The following CPLANE1 variants were observed in gnomAD, a reference collection of about 807,000 sequenced individuals.
The protein encoded by CPLANE1 is ciliogenesis and planar polarity effector complex subunit 1.
In CPLANE1, 263 loss-of-function variants were observed where a neutral mutation model predicts 362.5. That is an observed-to-expected ratio of 0.73 (90% CI 0.66 to 0.80). CPLANE1 has a LOEUF of 0.80. Among genes scored for constraint, CPLANE1 ranks in the 30% least tolerant of loss-of-function variants. CPLANE1 has a pLI of 0.00. For synonymous variants in CPLANE1, 1,212 were observed against 1,302.6 expected (o/e 0.93, Z 1.50); for missense variants, 3,461 against 3,793.4 (o/e 0.91, Z 2.30).
At position 37,226,395 on chromosome 5, in the gene CPLANE1, G is replaced by A; in HGVS notation, c.2200C>T (p.Gln734Ter). Residue 734 changes from glutamine (Q) to a stop codon, truncating the protein, a stop_gained, in exon 12 of 53, where the codon CAA becomes TAA. Transcript: ENST00000651892. LOFTEE classifies it high-confidence loss of function. ...CAGTTTTTCTGAAAACCACTATCTT[G>A]AAACATCTGAAAAATAGGTACCACC... Reference protein sequence around the residue: ...SLVVPIFQMFQDSGFQKNWSW... With the variant: ...SLVVPIFQMF 1 of 1,549,828 alleles carries A rather than the reference G, an allele frequency of 6.5e-7. No homozygotes were observed. The highest frequency in any genetic ancestry group is 8.7e-7 in the Non-Finnish European group (1 of 1,146,444).
intron 48 of CPLANE1, 47 bp downstream of exon 48, chr5:37,122,383 C>G (rs771569470): frequency 6.8e-7 from 1 of 1,466,786 alleles, no homozygotes; most frequent in South Asian, 1.2e-5. Context: ...TATGCCTCAG[C>G]TAAGGAAGTT....
intron 23 of CPLANE1, among the ~76,000 whole-genome samples, chr5:37,186,910 A>C (rs529562088): frequency 2.6e-5 from 4 of 151,912 alleles, no homozygotes; most frequent in African/African-American, 9.7e-5. Context: ...AAATACAAAA[A>C]ATTAGCCGGG....
chr5:37,176,039 C>A, intron 30 of CPLANE1, 53 bp from the exon 31 acceptor site: 2 of 1,203,902 alleles, frequency 1.7e-6, no homozygotes, highest in Non-Finnish European at 2.5e-6. Flanking sequence ...TTTGCATTAT[C>A]TAAGGTATGA....
the CPLANE1 span, among the ~76,000 whole-genome samples, chr5:37,088,515 A>G: frequency 2.0e-5 from 3 of 152,320 alleles, no homozygotes; most frequent in African/African-American, 7.2e-5. Flanking sequence ...ACCCTCTTCT[A>G]TATGTCCCCA....
chr5:37,191,130 T>C (rs894839869), intron 21 of CPLANE1, among the ~76,000 whole-genome samples: 2 of 152,082 alleles, frequency 1.3e-5, no homozygotes, highest in Non-Finnish European at 2.9e-5. Context: ...GACAGAGAGA[T>C]TGATGATCCT....
At chr5:37,122,357 T>C (rs975465326) in intron 48 of CPLANE1, 73 bp downstream of exon 48, 6 of 1,130,910 alleles carry the variant, frequency 5.3e-6, no homozygotes, top group South Asian at 1.3e-5. Context: ...AAAACAGAAT[T>C]CCTAAGGCAT....
At chr5:37,237,917 G>A (rs184171697) in intron 8 of CPLANE1, among the ~76,000 whole-genome samples, 1 of 152,200 alleles carries the variant, frequency 6.6e-6, no homozygotes, top group East Asian at 1.9e-4. Flanking sequence ...GATGGCTCAG[G>A]CCTGTAATCC....
chr5:37,140,138 G>A (rs966604531), intron 44 of CPLANE1: 2 of 878,134 alleles, frequency 2.3e-6, no homozygotes, highest in Non-Finnish European at 2.7e-6. Context: ...AATCTATTCA[G>A]TCTTCTATAT....
Position 37,221,342 on chromosome 5 carries a change from CT to C in CPLANE1, c.2727del (p.Glu910LysfsTer27). Reference sequence around the variant, plus strand: ...AGCATACCTGAAAAATCTTTATTTTCTTTTACAGGTAGTTGGGACCATCTCA... The same window carrying C: ...AGCATACCTGAAAAATCTTTATTTTCTTTACAGGTAGTTGGGACCATCTCA... ...EILRWSQLPVKENKDFSGAAK... is the reference protein window; with the variant it reads ...EILRWSQLPVXENKDFSGAAK... On this transcript the variant is annotated frameshift_variant, in exon 15 of 53. Transcript: ENST00000651892. 6.7e-7 allele frequency: 1 copy of C among 1,489,094 alleles called. No individual in the cohort carries two copies. Among genetic ancestry groups the C allele is most frequent in the East Asian group, 2.6e-5 (1 of 38,620 alleles). The allele number at this position is 1,489,094 out of a possible 1,614,324, so 92.2% of individuals were successfully genotyped here. A position where few individuals can be genotyped will look rare whatever the true frequency, so the allele number is the denominator to read the frequency against.
chr5:37,240,085 C>T (rs998224427), intron 6 of CPLANE1, among the ~76,000 whole-genome samples: 2 of 152,040 alleles, frequency 1.3e-5, no homozygotes, highest in African/African-American at 4.8e-5. Context: ...GGCACGGTAG[C>T]TCACACCTGT....
chr5:37,170,219 C>T lies in CPLANE1; in HGVS notation c.6284G>A (p.Ser2095Asn). The change falls in exon 33 of 53, where the codon AGC becomes AAC. Residue 2095 changes from serine to asparagine, a missense_variant. Around this residue, in one of 2 missense-constraint regions of CPLANE1, gnomAD observed 3,380 missense variants for 3,666.1 expected, o/e 0.92. Coordinates refer to ENST00000651892, the MANE Select transcript of CPLANE1 (RefSeq NM_001384732.1). The stretch of plus-strand genomic sequence containing the variant: ...ACATCCTCTTAGGTTTGATTCTTGG[C>T]TTTCCCCTAAATGCACAGACTGAGA... ...QQSQSVHLGESQESNLRGCGD... is the reference protein window; with the variant it reads ...QQSQSVHLGENQESNLRGCGD... 6.2e-7 allele frequency: 1 copy of T among 1,614,160 alleles called. No individual in the cohort carries two copies. Among genetic ancestry groups the T allele is most frequent in the Non-Finnish European group, 8.5e-7 (1 of 1,180,044 alleles).
chr5:37,185,595 T>A (rs1219082081), intron 24 of CPLANE1, among the ~76,000 whole-genome samples: 1 of 151,980 alleles, frequency 6.6e-6, no homozygotes, highest in Non-Finnish European at 1.5e-5. Flanking sequence ...TTTTAGAGGA[T>A]GTCAAAAAAA....
chr5:37,109,897 T>C (rs531750237), intron 51 of CPLANE1, among the ~76,000 whole-genome samples: 1 of 152,252 alleles, frequency 6.6e-6, no homozygotes, highest in African/African-American at 2.4e-5. Flanking sequence ...CCTCAAGCGA[T>C]CGGCCTGCCT....
chr5:37,078,928 T>G, the CPLANE1 span, among the ~76,000 whole-genome samples: 1 of 152,168 alleles, frequency 6.6e-6, no homozygotes, highest in Non-Finnish European at 1.5e-5. Flanking sequence ...TTTGTTTAAG[T>G]TATTTGTAGA....
chr5:37,111,763 T>C (rs1490684547), intron 51 of CPLANE1, among the ~76,000 whole-genome samples: 9 of 152,268 alleles, frequency 5.9e-5, no homozygotes, highest in Admixed American at 3.9e-4. Context: ...TATTTTGAAA[T>C]GCCACTGAAA....
chr5:37,120,060 A>G (rs1396782150), intron 50 of CPLANE1, among the ~76,000 whole-genome samples, 156 bp downstream of exon 50: 1 of 152,168 alleles, frequency 6.6e-6, no homozygotes, highest in East Asian at 1.9e-4. Flanking sequence ...GAAAAAAAAA[A>G]AATTACAGCT....
At chr5:37,152,267 C>T (rs1225235234) in intron 42 of CPLANE1, among the ~76,000 whole-genome samples, 5 of 152,002 alleles carry the variant, frequency 3.3e-5, no homozygotes, top group African/African-American at 4.8e-5. Flanking sequence ...GCCTTGAACT[C>T]GTGAGCGCAA....
chr5:37,097,004 AAAAG>A, the CPLANE1 span, among the ~76,000 whole-genome samples: 29 of 152,232 alleles, frequency 1.9e-4, 1 homozygote, highest in Middle Eastern at 0.01. Flanking sequence ...TGTGGAGAAA[AAAAG>A]AAAGAAACAA....
intron 16 of CPLANE1, chr5:37,211,279 A>C: frequency 6.6e-7 from 1 of 1,519,172 alleles, no homozygotes; most frequent in Non-Finnish European, 9.0e-7. Flanking sequence ...AAACAGCTTC[A>C]GCAAGAGGCG....
Sources: allele counts gnomAD v4.1 joint callset (sites outside exome capture counted in the v4.1 genomes callset), GRCh38; gene constraint gnomAD v4.1.1; regional missense constraint gnomAD v4.1.1; transcripts MANE v1.5; gene names NCBI Gene and HGNC (gene_info 2026-07-23, HGNC 2026-07-21).